The following PTPRR variants were observed in gnomAD, a reference collection of about 807,000 sequenced individuals.
PTPRR encodes the protein receptor-type tyrosine-protein phosphatase R.
A neutral mutation model predicts 77.2 loss-of-function variants in PTPRR; 38 were observed. The observed-to-expected ratio is 0.49, with a 90% CI of 0.38 to 0.65. PTPRR has a LOEUF of 0.65. Among genes scored for constraint, PTPRR ranks in the 30% least tolerant of loss-of-function variants. PTPRR has a pLI of 0.00. For synonymous variants in PTPRR, 299 were observed against 283.1 expected, an observed-to-expected ratio of 1.06 and a Z score of -0.57; for missense variants, 744 against 799.2, an observed-to-expected ratio of 0.93 and a Z score of 0.83.
chr12:70,848,092 AT>A (rs1892514531), intron 2 of PTPRR, among the ~76,000 whole-genome samples: 1 of 152,160 alleles, frequency 6.6e-6, no homozygotes, highest in South Asian at 2.1e-4. Flanking sequence ...ATCCACTCAT[AT>A]TACATATAAT....
chr12:70,910,067 G>A (rs371601778), intron 1 of PTPRR, among the ~76,000 whole-genome samples: 1 of 151,870 alleles, frequency 6.6e-6, no homozygotes, highest in African/African-American at 2.4e-5. Context: ...TTTTTAATAG[G>A]TCAATAGTCA....
intron 1 of PTPRR, among the ~76,000 whole-genome samples, chr12:70,894,728 A>G (rs1439942747): frequency 6.6e-6 from 1 of 151,772 alleles, no homozygotes; most frequent in Non-Finnish European, 1.5e-5. Context: ...CCTGTTCTGA[A>G]TTCCATTATA....
chr12:70,726,592 T>C (rs1889446372), intron 6 of PTPRR, among the ~76,000 whole-genome samples: 1 of 151,822 alleles, frequency 6.6e-6, no homozygotes, highest in Non-Finnish European at 1.5e-5. Context: ...TTTTTTTTTT[T>C]TTTTTTGAGA....
intron 5 of PTPRR, among the ~76,000 whole-genome samples, chr12:70,751,602 A>T (rs1378683261): frequency 6.6e-6 from 1 of 152,168 alleles, no homozygotes; most frequent in African/African-American, 2.4e-5. Context: ...CATAGGTCTC[A>T]AACATCTCAG....
intron 2 of PTPRR, among the ~76,000 whole-genome samples, chr12:70,792,156 T>C (rs554941059): frequency 3.1e-4 from 47 of 152,196 alleles, no homozygotes; most frequent in Non-Finnish European, 3.2e-4. Flanking sequence ...AAAGAGAAGA[T>C]AATGGTCTAC....
At chr12:70,763,243 C>T (rs190376200) in intron 3 of PTPRR, among the ~76,000 whole-genome samples, 2 of 152,160 alleles carry the variant, frequency 1.3e-5, no homozygotes, top group East Asian at 1.9e-4. Flanking sequence ...ATTCTCCTGC[C>T]TCAGCCTCCT....
Position 70,892,911 on chromosome 12 carries a change from A to T in PTPRR, c.125T>A (p.Phe42Tyr). Residue 42 changes from phenylalanine to tyrosine, a missense_variant, in exon 2 of 14, where the codon TTC becomes TAC. By Grantham distance (22) the Phe-to-Tyr change is conservative. This residue lies in a region of PTPRR where 570 missense variants were observed against 573.2 expected (regional missense o/e 0.99). Coordinates refer to ENST00000283228, the MANE Select transcript of PTPRR (RefSeq NM_002849.4). ...INQKKSGKPV[F>Y]IYKHSQDIEK... ...AATGTCTTGTGAATGCTTATAAATGAATACCGGCTTCCCACTCTTCTTCTG... is the reference window on the plus strand; with the variant it reads ...AATGTCTTGTGAATGCTTATAAATGTATACCGGCTTCCCACTCTTCTTCTG... The T allele has an allele frequency of 6.2e-7, 1 of 1,613,552 alleles. No individual in the cohort carries two copies. The highest frequency in any genetic ancestry group is 8.5e-7 in the Non-Finnish European group (1 of 1,179,612).
intron 6 of PTPRR, among the ~76,000 whole-genome samples, chr12:70,706,373 G>A (rs1592690758): frequency 1.3e-5 from 2 of 152,080 alleles, no homozygotes; most frequent in East Asian, 3.9e-4. Flanking sequence ...AAATGAGTAG[G>A]TATTGTGACC....
intron 13 of PTPRR, 37 bp downstream of exon 13, chr12:70,656,667 A>T (rs375847849): frequency 2.8e-6 from 4 of 1,440,064 alleles, no homozygotes; most frequent in Non-Finnish European, 3.9e-6. Flanking sequence ...CTGTGAATGA[A>T]AACAGTGCTC....
At chr12:70,821,916 G>A (rs957951924) in intron 2 of PTPRR, among the ~76,000 whole-genome samples, 3 of 151,800 alleles carry the variant, frequency 2.0e-5, no homozygotes, top group East Asian at 1.9e-4. Context: ...TGCCTGCCTC[G>A]GCCTCCCAAA....
At chr12:70,768,795 A>G (rs867001986) in intron 2 of PTPRR, among the ~76,000 whole-genome samples, 1 of 151,962 alleles carries the variant, frequency 6.6e-6, no homozygotes, top group African/African-American at 2.4e-5. Flanking sequence ...GCAGCACATC[A>G]AAAAGCTTAT....
intron 6 of PTPRR, among the ~76,000 whole-genome samples, chr12:70,726,679 C>G (rs541768549): frequency 1.7e-4 from 26 of 151,538 alleles, no homozygotes; most frequent in African/African-American, 6.3e-4. Context: ...CTCCTGAGTT[C>G]AAACGATTCT....
At chr12:70,708,051 C>A (rs117318134) in intron 6 of PTPRR, among the ~76,000 whole-genome samples, 318 of 152,206 alleles carry the variant, frequency 2.1e-3, no homozygotes, top group Non-Finnish European at 3.6e-3. Flanking sequence ...CTTGCCCCAA[C>A]ACTTTCAGGT....
intron 10 of PTPRR, among the ~76,000 whole-genome samples, chr12:70,680,049 C>G (rs77296996): frequency 0.03 from 4,499 of 152,072 alleles, 91 homozygotes; most frequent in Non-Finnish European, 0.044. Context: ...ATTTGTGTAT[C>G]TGCTGTAATT....
intron 4 of PTPRR, chr12:70,754,811 T>A: frequency 2.2e-6 from 3 of 1,349,118 alleles, no homozygotes; most frequent in Non-Finnish European, 3.0e-6. Context: ...TTTAATCACA[T>A]CTTTTTTTTT....
intron 2 of PTPRR, among the ~76,000 whole-genome samples, chr12:70,827,802 C>T (rs1892140948): frequency 6.7e-6 from 1 of 149,494 alleles, no homozygotes; most frequent in South Asian, 2.1e-4. Flanking sequence ...ACTGCAACCT[C>T]CACCTCCTCC....
In PTPRR at chr12:70,824,159, C is replaced by T. The variant is rs576728202; in HGVS notation, c.358-59381G>A. ...CTTCTTCTGTGTCCTTGGAACATCG[C>T]TTAGTCCTTACACAGCAGCTCAGCA... On this transcript the variant is annotated intron_variant, in intron 2 of 13. Transcript: ENST00000283228. Among the ~76,000 whole-genome samples, 51 of 152,298 alleles carry T rather than the reference C, an allele frequency of 3.3e-4. 1 individual carries two copies. The highest frequency in any genetic ancestry group is 2.4e-3 in the Admixed American group (36 of 15,294).
At position 70,746,009 on chromosome 12, in the gene PTPRR, C is replaced by A; in HGVS notation, c.816G>T (p.Ser272=). The change falls in exon 6 of 14, where the codon TCG becomes TCT. Residue 272 remains serine (S), a synonymous_variant. Coordinates refer to ENST00000283228, the MANE Select transcript of PTPRR (RefSeq NM_002849.4). ...DKEKNQEIHL[S]PITLQPALSE... ...ACAGTGCTGGCTGTAATGTGATGGG[C>A]GATAGGTGGATCTCCTGGTTTTTCT... The A allele has an allele frequency of 6.2e-7, 1 of 1,613,736 alleles. No homozygotes were observed. Among genetic ancestry groups the A allele is most frequent in the Non-Finnish European group, 8.5e-7 (1 of 1,179,832 alleles).
intron 2 of PTPRR, among the ~76,000 whole-genome samples, chr12:70,795,146 T>C (rs1219646027): frequency 2.0e-5 from 3 of 152,194 alleles, no homozygotes; most frequent in Non-Finnish European, 4.4e-5. Flanking sequence ...CTCTAACATA[T>C]TCTCCTTGTC....
Sources: allele counts gnomAD v4.1 joint callset (sites outside exome capture counted in the v4.1 genomes callset), GRCh38; gene constraint gnomAD v4.1.1; regional missense constraint gnomAD v4.1.1; transcripts MANE v1.5; gene names NCBI Gene and HGNC (gene_info 2026-07-23, HGNC 2026-07-21).